The following KANK1 variants were observed in gnomAD, a reference collection of about 807,000 sequenced individuals.
The protein encoded by KANK1 is KN motif and ankyrin repeat domains 1.
Under a neutral mutation model 106.2 loss-of-function variants are expected in KANK1, and 109 were observed. That is an observed-to-expected ratio of 1.03 (90% confidence interval 0.88 to 1.20). The LOEUF is 1.20. KANK1 is among the 50% of genes most tolerant of loss of function. The pLI, the probability that KANK1 is intolerant of heterozygous loss-of-function variation, is 0.00. For synonymous variants in KANK1, 873 were observed against 652.2 expected (o/e 1.34, Z -5.16); for missense variants, 2,399 against 1,710.7 (o/e 1.40, Z -7.10).
At chr9:573,835 T>A (rs1477858606) in intron 1 of KANK1, among the ~76,000 whole-genome samples, 1 of 152,166 alleles carries the variant, frequency 6.6e-6, no homozygotes, top group African/African-American at 2.4e-5. Context: ...TTCCTACATT[T>A]ACAAGATTCA....
At position 656,138 on chromosome 9, in the gene KANK1, C is replaced by G. The variant is rs182184889; in HGVS notation, c.-83-20752C>G. Among the ~76,000 whole-genome samples the G allele has an allele frequency of 5.9e-5, 9 of 152,342 alleles. No individual in the cohort carries two copies. The East Asian group carries it at 1.7e-3, about 29-fold the overall frequency. On this transcript the variant is annotated intron_variant, in intron 1 of 11. Transcript: ENST00000382297. ...CTTGGGACATGGCTTCATCCTGTGT[C>G]TCTGGCTTGAGCCCAACCTTTCAGG...
chr9:612,011 C>A (rs1011827481), intron 1 of KANK1, among the ~76,000 whole-genome samples: 4 of 152,212 alleles, frequency 2.6e-5, no homozygotes, highest in African/African-American at 9.7e-5. Flanking sequence ...AGCCACCGCG[C>A]CCGGCCGACC....
chr9:542,048 C>G (rs2060634508), intron 1 of KANK1, among the ~76,000 whole-genome samples: 2 of 151,260 alleles, frequency 1.3e-5, no homozygotes, highest in Non-Finnish European at 2.9e-5. Context: ...GAGATCGCGC[C>G]ACTGCACTCC....
At position 712,720 on chromosome 9, in the gene KANK1, A is replaced by G. The variant is rs780144072; in HGVS notation, c.1954A>G (p.Thr652Ala). 6.2e-7 allele frequency: 1 copy of G among 1,613,974 alleles called. No individual in the cohort carries two copies. Among genetic ancestry groups the G allele is most frequent in the Admixed American group, 1.7e-5 (1 of 59,992 alleles). ...GGAGTGCGCCTCCCGGGGCGTGAACACTGAGGCTGTTAGCCAGGTGGAAGC... is the reference window on the plus strand; with the variant it reads ...GGAGTGCGCCTCCCGGGGCGTGAACGCTGAGGCTGTTAGCCAGGTGGAAGC... ...PKECASRGVN[T>A]EAVSQVEAAV... The change falls in exon 3 of 12, where the codon ACT becomes GCT. Residue 652 changes from threonine to alanine, a missense_variant. Physicochemically the swap from Thr to Ala is moderately conservative, Grantham distance 58. Transcript: ENST00000382297.
chr9:485,699 C>G (rs951467106), intron 3 of KANK1, among the ~76,000 whole-genome samples: 6 of 152,048 alleles, frequency 3.9e-5, no homozygotes, highest in African/African-American at 1.4e-4. Flanking sequence ...ATGGTGGAAC[C>G]TCATCTCTAC....
At position 541,062 on chromosome 9, in the gene KANK1, T is replaced by C. The variant is rs544784240; in HGVS notation, c.-84+36308T>C. 6.6e-5 allele frequency among the ~76,000 whole-genome samples: 10 copies of C among 152,258 alleles called. No individual in the cohort carries two copies. In the East Asian group the frequency reaches 1.9e-3, roughly 29 times the overall value. ...CTTCCTTAATATAGGAGTTGATTGC[T>C]GTAAACTTCCTTGTAGTGCTGCTTT... On this transcript the variant is annotated intron_variant, in intron 1 of 11. Coordinates refer to ENST00000382297, the MANE Select transcript of KANK1 (RefSeq NM_015158.5).
At chr9:572,991 A>C (rs568170004) in intron 1 of KANK1, among the ~76,000 whole-genome samples, 2 of 152,296 alleles carry the variant, frequency 1.3e-5, no homozygotes, top group Admixed American at 1.3e-4. Flanking sequence ...GGTTTAACCA[A>C]AAGTTCTCTT....
At chr9:689,784 G>A (rs1190904363) in intron 2 of KANK1, among the ~76,000 whole-genome samples, 1 of 152,088 alleles carries the variant, frequency 6.6e-6, no homozygotes, top group Non-Finnish European at 1.5e-5. Flanking sequence ...TCAGGGGTTT[G>A]GGGAAGTCCA....
intron 1 of KANK1, among the ~76,000 whole-genome samples, chr9:634,040 A>G (rs942213110): frequency 1.3e-5 from 2 of 152,228 alleles, no homozygotes; most frequent in Non-Finnish European, 2.9e-5. Flanking sequence ...AAGTTCAGAA[A>G]TGAACTTCTG....
intron 1 of KANK1, among the ~76,000 whole-genome samples, chr9:636,876 T>G (rs1389739438): frequency 6.6e-6 from 1 of 152,118 alleles, no homozygotes; most frequent in Admixed American, 6.5e-5. Flanking sequence ...AATAAAAACA[T>G]AAACAAAACA....
chr9:495,346 T>TA (rs907606411), intron 3 of KANK1: 1 of 152,192 alleles, frequency 6.6e-6, no homozygotes, highest in Admixed American at 6.5e-5. Context: ...ATGTTAGAGA[T>TA]ACCAGGTCTC....
At chr9:496,251 GATT>G (rs1235208220) in intron 3 of KANK1, among the ~76,000 whole-genome samples, 3 of 152,152 alleles carry the variant, frequency 2.0e-5, no homozygotes, top group Non-Finnish European at 2.9e-5. Context: ...AAGAATTATT[GATT>G]ATTAAAACTA....
At chr9:632,875 G>T (rs1836095134) in intron 1 of KANK1, among the ~76,000 whole-genome samples, 1 of 152,084 alleles carries the variant, frequency 6.6e-6, no homozygotes, top group African/African-American at 2.4e-5. Flanking sequence ...TGTAGTCTTA[G>T]TAGACACGGG....
chr9:553,688 A>G (rs375348605), intron 1 of KANK1, among the ~76,000 whole-genome samples: 1 of 152,224 alleles, frequency 6.6e-6, no homozygotes, highest in Non-Finnish European at 1.5e-5. Flanking sequence ...AGAAAAATAT[A>G]AGCCAATTGT....
intron 1 of KANK1, among the ~76,000 whole-genome samples, chr9:649,878 G>C (rs1475697725): frequency 6.6e-6 from 1 of 152,180 alleles, no homozygotes; most frequent in Non-Finnish European, 1.5e-5. Context: ...GATGCAGCTT[G>C]AAAGGATGGC....
At chr9:624,881 C>G (rs866498997) in intron 1 of KANK1, among the ~76,000 whole-genome samples, 3 of 152,178 alleles carry the variant, frequency 2.0e-5, no homozygotes, top group African/African-American at 7.2e-5. Flanking sequence ...GAGAGCCCAT[C>G]TCTGAGGAAA....
At chr9:472,171 G>A (rs1265767307) in intron 2 of KANK1, among the ~76,000 whole-genome samples, 1 of 152,084 alleles carries the variant, frequency 6.6e-6, no homozygotes, top group Admixed American at 6.5e-5. Flanking sequence ...TAGAGAGCTG[G>A]CCTGCCCACA....
chr9:692,443 AT>A lies in KANK1; in HGVS notation c.37+15437del, dbSNP rs576891175. Among the ~76,000 whole-genome samples, 668 of 152,162 alleles carry A rather than the reference AT, an allele frequency of 4.4e-3. 1 individual carries two copies. Among genetic ancestry groups the A allele is most frequent in the Non-Finnish European group, 7.9e-3 (540 of 68,020 alleles). On this transcript the variant is annotated intron_variant, in intron 2 of 11. Coordinates refer to ENST00000382297, the MANE Select transcript of KANK1 (RefSeq NM_015158.5). Reference sequence around the variant, plus strand: ...TATTTTGAAATAGCAGATCCAAATAATTTCATATTACTTTACACAACAAGAC... The same window carrying A: ...TATTTTGAAATAGCAGATCCAAATAATTCATATTACTTTACACAACAAGAC...
intron 1 of KANK1, among the ~76,000 whole-genome samples, chr9:630,005 T>C (rs1835279888): frequency 6.6e-6 from 1 of 150,850 alleles, no homozygotes; most frequent in Non-Finnish European, 1.5e-5. Flanking sequence ...CCCAGCACTT[T>C]GGGAGGCTGA....
Sources: allele counts gnomAD v4.1 joint callset (sites outside exome capture counted in the v4.1 genomes callset), GRCh38; gene constraint gnomAD v4.1.1; transcripts MANE v1.5; gene names NCBI Gene and HGNC (gene_info 2026-07-23, HGNC 2026-07-21).